The following HK1 variants were observed in gnomAD, a reference collection of about 807,000 sequenced individuals.
HK1 encodes the protein hexokinase 1.
A neutral mutation model predicts 91.6 loss-of-function variants in HK1; 28 were observed. The ratio of observed to expected loss-of-function variants is 0.31; its 90% CI spans 0.23 to 0.42. The LOEUF (loss-of-function observed/expected upper bound fraction) is 0.42, where lower values mean the gene tolerates loss of function less well. Ranked by LOEUF, HK1 falls within the 10% of genes least tolerant of loss-of-function variation. The pLI is 1.00. For synonymous variants in HK1, 430 were observed against 468.1 expected (o/e 0.92, Z 1.05); for missense variants, 770 against 1,219.8 (o/e 0.63, Z 5.49).
chr10:69,399,894 T>C (rs1431138167), intron 17 of HK1, among the ~76,000 whole-genome samples: 1 of 152,120 alleles, frequency 6.6e-6, no homozygotes, highest in Non-Finnish European at 1.5e-5. Flanking sequence ...CCCGACTCAG[T>C]GTAGACATTA....
Position 69,382,616 on chromosome 10 carries a change from G to A in HK1, c.1395G>A (p.Glu465=). 6.2e-7 allele frequency: 1 copy of A among 1,614,212 alleles called. No homozygotes were observed. The highest frequency in any genetic ancestry group is 8.5e-7 in the Non-Finnish European group (1 of 1,180,034). ...MVTAVAYRLA[E]QHRQIEETLA... ...CGGCGGTGGCCTACCGCTTGGCCGA[G>A]CAGCACCGGCAGATAGAGGAGACCC... The change falls in exon 10 of 18, where the codon GAG becomes GAA. Residue 465 remains glutamate, a synonymous_variant. Transcript: ENST00000359426.
At chr10:69,295,450 A>T (rs566362090) in intron 3 of HK1, among the ~76,000 whole-genome samples, 2 of 152,348 alleles carry the variant, frequency 1.3e-5, no homozygotes, top group East Asian at 3.9e-4. Context: ...CACATGACTG[A>T]GCTCTGCTGC....
chr10:69,329,217 C>T (rs1847558634), intron 1 of HK1, among the ~76,000 whole-genome samples: 1 of 150,876 alleles, frequency 6.6e-6, no homozygotes, highest in African/African-American at 2.4e-5. Context: ...GGCTGGAGTG[C>T]AGTGGTGCAA....
chr10:69,276,138 T>TATATATATATATATATATATATATACAC (rs753204633), intron 1 of HK1, among the ~76,000 whole-genome samples: 2 of 76,436 alleles, frequency 2.6e-5, no homozygotes, highest in Non-Finnish European at 2.6e-5. Flanking sequence ...TATATATATA[T>TATATATATATATATATATATATATACAC]ACACATATAT....
At chr10:69,326,346 C>T (rs888536776) in intron 1 of HK1, among the ~76,000 whole-genome samples, 3 of 152,128 alleles carry the variant, frequency 2.0e-5, no homozygotes, top group Admixed American at 6.5e-5. Flanking sequence ...GTATTATTCC[C>T]GGGCTTCCCA....
intron 1 of HK1, among the ~76,000 whole-genome samples, chr10:69,279,489 T>G (rs2132423153): frequency 6.6e-6 from 1 of 152,306 alleles, no homozygotes; most frequent in Non-Finnish European, 1.5e-5. Flanking sequence ...GAACTGGGTT[T>G]GCATGGGGTT....
intron 5 of HK1, among the ~76,000 whole-genome samples, chr10:69,309,472 C>T (rs187304231): frequency 0.018 from 2,278 of 128,564 alleles, 91 homozygotes; most frequent in African/African-American, 0.066. Context: ...TGAGCCACCG[C>T]GCCTGGCATG....
chr10:69,368,294 G>A (rs776755049), intron 4 of HK1, among the ~76,000 whole-genome samples: 18 of 152,244 alleles, frequency 1.2e-4, no homozygotes, highest in Middle Eastern at 3.2e-3. Flanking sequence ...TTCTTCTGGA[G>A]TGAACTGGAT....
chr10:69,362,363 C>T (rs1406397977), intron 3 of HK1, among the ~76,000 whole-genome samples: 1 of 151,908 alleles, frequency 6.6e-6, no homozygotes, highest in Non-Finnish European at 1.5e-5. Flanking sequence ...AGATGTGAGC[C>T]ACTATGCCTG....
chr10:69,271,033 T>C (rs192482354), intron 1 of HK1: 16 of 152,344 alleles, frequency 1.1e-4, no homozygotes, highest in African/African-American at 3.6e-4. Context: ...GATGATTCAA[T>C]GAATGCCAAG....
chr10:69,349,818 A>G (rs906220009), intron 2 of HK1, among the ~76,000 whole-genome samples: 1 of 152,216 alleles, frequency 6.6e-6, no homozygotes, highest in Non-Finnish European at 1.5e-5. Flanking sequence ...GACAAAGAAT[A>G]TTGAACTAAC....
exon 5 of HK1, chr10:69,300,836 T>C: frequency 6.2e-7 from 1 of 1,606,502 alleles, no homozygotes. Context: ...CGTGGAAAGA[T>C]GGCAAAAAGA....
chr10:69,347,739 A>G (rs538330592), intron 2 of HK1, among the ~76,000 whole-genome samples: 3 of 152,196 alleles, frequency 2.0e-5, no homozygotes, highest in South Asian at 4.1e-4. Flanking sequence ...CGGTTTAGGA[A>G]CAGACATCTT....
intron 1 of HK1, among the ~76,000 whole-genome samples, chr10:69,342,162 AAAACAAACAAACAAACAAAC>A (rs33984080): frequency 7.1e-6 from 1 of 140,904 alleles, no homozygotes; most frequent in Non-Finnish European, 1.6e-5. Context: ...ACCAACCCCA[AAAACAAACAAACAAACAAAC>A]AAACAAACAA....
At chr10:69,353,184 C>A (rs929713182) in intron 2 of HK1, among the ~76,000 whole-genome samples, 2 of 152,172 alleles carry the variant, frequency 1.3e-5, no homozygotes, top group South Asian at 4.1e-4. Context: ...GGGTTGCTGT[C>A]AGCCCCAACC....
At position 69,348,119 on chromosome 10, in the gene HK1, T is replaced by C. The variant is rs56029549; in HGVS notation, c.226+4130T>C. On this transcript the variant is annotated intron_variant, in intron 2 of 17. Coordinates refer to ENST00000359426, the MANE Select transcript of HK1 (RefSeq NM_000188.3). ...AGAGTGTAAGCTTTTGGAGGCTAAATAGGAATCGATACTTCTTGGTTTCGG... is the reference window on the plus strand; with the variant it reads ...AGAGTGTAAGCTTTTGGAGGCTAAACAGGAATCGATACTTCTTGGTTTCGG... Among the ~76,000 whole-genome samples, 601 of 152,242 alleles carry C rather than the reference T, an allele frequency of 3.9e-3. 5 individuals carry two copies. Among genetic ancestry groups the C allele is most frequent in the Non-Finnish European group, 7.2e-3 (491 of 68,016 alleles).
intron 12 of HK1, among the ~76,000 whole-genome samples, chr10:69,385,961 GT>G (rs1322457720): frequency 6.6e-5 from 10 of 152,180 alleles, no homozygotes; most frequent in African/African-American, 2.4e-4. Flanking sequence ...TTCAGTTATA[GT>G]GTCAGTAGAC....
At chr10:69,333,743 G>A (rs2132639005) in intron 1 of HK1, among the ~76,000 whole-genome samples, 1 of 152,200 alleles carries the variant, frequency 6.6e-6, no homozygotes, top group Non-Finnish European at 1.5e-5. Context: ...GTGCAGATTT[G>A]GATGGAGGAG....
Position 69,380,490 on chromosome 10 carries a change from C to T in HK1, c.1265+395C>T, listed in dbSNP as rs570332703. Among the ~76,000 whole-genome samples, 1 of 152,284 alleles carries T rather than the reference C, an allele frequency of 6.6e-6. No homozygotes were observed. The highest frequency in any genetic ancestry group is 1.5e-5 in the Non-Finnish European group (1 of 68,034). On this transcript the variant is annotated intron_variant, in intron 9 of 17. Transcript: ENST00000359426. This position sits in a 1 kb window ranked among gnomAD's most constrained non-coding sequence, Gnocchi z 4.0. Reference sequence around the variant, plus strand: ...ATGGAGATTTCTGTAGCTGTCGGCTCCTCTGGGTGGAATGTGTCTGTCTCT... The same window carrying T: ...ATGGAGATTTCTGTAGCTGTCGGCTTCTCTGGGTGGAATGTGTCTGTCTCT...
Sources: gnomAD v4.1 joint callset for allele counts (sites outside exome capture counted in the v4.1 genomes callset) on GRCh38, gnomAD v4.1.1 for gene constraint, Gnocchi (gnomAD v3.1) non-coding constraint, MANE v1.5 for transcripts, NCBI Gene and HGNC (gene_info 2026-07-23, HGNC 2026-07-21) for gene names.